MTRFR: variants seen among roughly 807,000 people sequenced by gnomAD.
The protein encoded by MTRFR is mitochondrial translation release factor in rescue.
In MTRFR, 10 loss-of-function variants were observed where a neutral mutation model predicts 11.9. The observed-to-expected ratio is 0.84, with a 90% CI of 0.52 to 1.42. The LOEUF is 1.42. Ranked by LOEUF, MTRFR falls within the 40% of genes most tolerant of loss-of-function variation. The pLI is 0.00. For missense variants in MTRFR, 196 were observed against 197.9 expected (o/e 0.99, Z 0.06); for synonymous variants, 77 against 79.1 (o/e 0.97, Z 0.14).
intron 1 of MTRFR, chr12:123,250,390 T>A (rs1375308785): frequency 6.6e-6 from 1 of 152,232 alleles, no homozygotes; most frequent in East Asian, 1.9e-4. Context: ...GTATTTCTTC[T>A]TGGTTTGGAT....
At position 123,253,742 on chromosome 12, in the gene MTRFR, T is replaced by C. The variant is rs2048144202; in HGVS notation, c.68T>C (p.Leu23Pro). 2 of 1,614,148 alleles carry C rather than the reference T, an allele frequency of 1.2e-6. No homozygotes were observed. Among genetic ancestry groups the C allele is most frequent in the Non-Finnish European group, 1.7e-6 (2 of 1,180,032 alleles). ...LTRICPAPWGLRLWEKLTLLS... is the reference protein window; with the variant it reads ...LTRICPAPWGPRLWEKLTLLS... ...CGAATATGCCCGGCGCCATGGGGAC[T>C]CCGGCTTTGGGAGAAGCTGACGTTG... Residue 23 changes from leucine (L) to proline (P), a missense_variant, in exon 2 of 3, where the codon CTC becomes CCC. Physicochemically the swap from Leu to Pro is moderately conservative, Grantham distance 98. Coordinates refer to ENST00000253233, the MANE Select transcript of MTRFR (RefSeq NM_152269.5).
intron 1 of MTRFR, chr12:123,250,074 TCTTA>T (rs1441902852): frequency 6.6e-6 from 1 of 152,226 alleles, no homozygotes; most frequent in African/African-American, 2.4e-5. Flanking sequence ...GTTCATATTT[TCTTA>T]TTCTTTTTTG....
chr12:123,234,897 G>A (rs7304782), intron 1 of MTRFR, among the ~76,000 whole-genome samples: 89,826 of 152,092 alleles, frequency 0.59, 30,796 homozygotes, highest in Non-Finnish European at 0.75. Flanking sequence ...TCACAGACCA[G>A]AATTATGATC....
At chr12:123,236,017 T>C (rs1048833318) in intron 1 of MTRFR, among the ~76,000 whole-genome samples, 8 of 151,978 alleles carry the variant, frequency 5.3e-5, no homozygotes, top group African/African-American at 1.9e-4. Flanking sequence ...TGAGCCAAGA[T>C]GGTGCCACTG....
chr12:123,251,776 T>G (rs1418549963), intron 1 of MTRFR, among the ~76,000 whole-genome samples: 1 of 152,216 alleles, frequency 6.6e-6, no homozygotes, highest in African/African-American at 2.4e-5. Context: ...GCAGTTGATC[T>G]AGAGCTAAAA....
rs1593281229 is a variant in MTRFR, at chr12:123,246,623, T to C, written c.-28-7024T>C. On this transcript the variant is annotated intron_variant, in intron 1 of 2. Coordinates refer to ENST00000253233, the MANE Select transcript of MTRFR (RefSeq NM_152269.5). ...CACCTGGCACTACACCCAGCTAATTTATTTGTATGGTTTTGAAGGTTCCTT... is the reference window on the plus strand; with the variant it reads ...CACCTGGCACTACACCCAGCTAATTCATTTGTATGGTTTTGAAGGTTCCTT... Among the ~76,000 whole-genome samples the C allele has an allele frequency of 2.6e-5, 4 of 151,802 alleles. No individual in the cohort carries two copies. The East Asian group carries it at 5.8e-4, about 22-fold the overall frequency.
chr12:123,253,318 G>A, intron 1 of MTRFR: 1 of 336,508 alleles, frequency 3.0e-6, no homozygotes. Flanking sequence ...GATTACAGGT[G>A]TGAGCCACCA....
chr12:123,237,900 CT>C (rs34786765), intron 1 of MTRFR, among the ~76,000 whole-genome samples: 201 of 147,902 alleles, frequency 1.4e-3, no homozygotes, highest in African/African-American at 3.8e-3. Flanking sequence ...CACCAAAACA[CT>C]TTTTTTTTTT....
chr12:123,246,879 C>T (rs1300989342), intron 1 of MTRFR, among the ~76,000 whole-genome samples: 1 of 151,842 alleles, frequency 6.6e-6, no homozygotes, highest in Non-Finnish European at 1.5e-5. Flanking sequence ...TACAGGCACA[C>T]ACCACCACGC....
chr12:123,251,742 T>C (rs2048114298), intron 1 of MTRFR, among the ~76,000 whole-genome samples: 1 of 152,226 alleles, frequency 6.6e-6, no homozygotes, highest in South Asian at 2.1e-4. Context: ...CTGTGGGTCC[T>C]CTCAGGATTG....
intron 1 of MTRFR, among the ~76,000 whole-genome samples, chr12:123,252,879 C>G (rs11609160): frequency 2.0e-5 from 3 of 151,912 alleles, no homozygotes; most frequent in Non-Finnish European, 4.4e-5. Context: ...GAGCCAAGAT[C>G]GCGCCATCGC....
chr12:123,234,218 G>A (rs2047790927), intron 1 of MTRFR, among the ~76,000 whole-genome samples: 2 of 152,108 alleles, frequency 1.3e-5, no homozygotes, highest in African/African-American at 2.4e-5. Flanking sequence ...CCAGCTACTC[G>A]ATTTACCTCC....
At chr12:123,242,198 C>T (rs2047950445) in intron 1 of MTRFR, among the ~76,000 whole-genome samples, 1 of 152,146 alleles carries the variant, frequency 6.6e-6, no homozygotes. Context: ...GGAGCTTTCA[C>T]CTTAACTGCG....
intron 1 of MTRFR, among the ~76,000 whole-genome samples, chr12:123,235,772 A>G (rs887169710): frequency 2.0e-5 from 3 of 151,846 alleles, no homozygotes; most frequent in Non-Finnish European, 2.9e-5. Context: ...CTTTTTAAAA[A>G]GAGAAAGTTG....
intron 1 of MTRFR, among the ~76,000 whole-genome samples, chr12:123,247,307 T>C (rs2048056402): frequency 6.6e-6 from 1 of 152,224 alleles, no homozygotes; most frequent in Non-Finnish European, 1.5e-5. Context: ...GGTCTGTTAG[T>C]AATTGTTTTA....
Position 123,256,827 on chromosome 12 carries a change from A to T in MTRFR, c.297A>T (p.Arg99Ser), listed in dbSNP as rs1459276555. The T allele has an allele frequency of 1.9e-6, 3 of 1,612,382 alleles. No homozygotes were observed. The highest frequency in any genetic ancestry group is 1.7e-5 in the Admixed American group (1 of 59,982). The change falls in exon 3 of 3, where the codon AGA becomes AGT. Residue 99 changes from arginine (R) to serine (S), a missense_variant. By Grantham distance (110) the Arg-to-Ser change is moderately radical. Coordinates refer to ENST00000253233, the MANE Select transcript of MTRFR (RefSeq NM_152269.5). The stretch of plus-strand genomic sequence containing the variant: ...ATCTCTTACAGTGCCATCAGACAAG[A>T]TCAGTTGATCAGAACAGAAAGCTAG... ...SGIVVKCHQT[R>S]SVDQNRKLAR... is the part of the protein sequence containing the mutation.
chr12:123,235,000 G>T (rs2047820189), intron 1 of MTRFR, among the ~76,000 whole-genome samples: 1 of 152,138 alleles, frequency 6.6e-6, no homozygotes, highest in African/African-American at 2.4e-5. Context: ...AGCCACTGTT[G>T]TAGATGCCTT....
At chr12:123,247,301 TGTTA>T (rs913531266) in intron 1 of MTRFR, among the ~76,000 whole-genome samples, 5 of 152,202 alleles carry the variant, frequency 3.3e-5, no homozygotes, top group African/African-American at 9.7e-5. Flanking sequence ...TTCTTAGGTC[TGTTA>T]GTAATTGTTT....
chr12:123,249,369 G>A (rs1209326931), intron 1 of MTRFR: 1 of 152,824 alleles, frequency 6.5e-6, no homozygotes, highest in Non-Finnish European at 1.5e-5. Flanking sequence ...CAGAGCAGGG[G>A]GCGGCGCCCG....
Sources: allele counts gnomAD v4.1 joint callset (sites outside exome capture counted in the v4.1 genomes callset), GRCh38; gene constraint gnomAD v4.1.1; transcripts MANE v1.5; gene names NCBI Gene and HGNC (gene_info 2026-07-23, HGNC 2026-07-21).